FRAS1: variants seen among roughly 807,000 people sequenced by gnomAD.
The protein encoded by FRAS1 is Fraser extracellular matrix complex subunit 1, also known as extracellular matrix organizing protein FRAS1.
FRAS1 carries 290 observed loss-of-function variants against 435.2 expected under a neutral mutation model. The ratio of observed to expected loss-of-function variants is 0.67; its 90% CI spans 0.61 to 0.73. FRAS1 has a LOEUF of 0.73. Among genes scored for constraint, FRAS1 ranks in the 30% least tolerant of loss-of-function variants. FRAS1 has a pLI of 0.00. For synonymous variants in FRAS1, 1,800 were observed against 1,851.0 expected (o/e 0.97, Z 0.71); for missense variants, 4,860 against 5,001.5 (o/e 0.97, Z 0.85).
At chr4:78,165,813 A>G (rs1307104287) in intron 2 of FRAS1, among the ~76,000 whole-genome samples, 5 of 152,132 alleles carry the variant, frequency 3.3e-5, no homozygotes, top group Admixed American at 6.6e-5. Flanking sequence ...ATTATCCAGC[A>G]GGCTAGAGTG....
At position 78,400,565 on chromosome 4, in the gene FRAS1, A is replaced by G. The variant is rs1489060107; in HGVS notation, c.3976-169A>G. On this transcript the variant is annotated intron_variant, in intron 29 of 73. Transcript: ENST00000512123. ...TACATATGTAAATATATAGATAAAT[A>G]TGCATGTCTACACATAATACAAAGT... Among the ~76,000 whole-genome samples, 6 of 152,182 alleles carry G rather than the reference A, an allele frequency of 3.9e-5. No individual in the cohort carries two copies. The East Asian group carries it at 1.2e-3, about 29-fold the overall frequency.
chr4:78,255,510 T>C (rs533212858), intron 6 of FRAS1, 135 bp downstream of exon 6: 183 of 853,660 alleles, frequency 2.1e-4, no homozygotes, highest in Non-Finnish European at 2.8e-4. Flanking sequence ...CTCATACTTT[T>C]GGAGACCACC....
chr4:78,513,559 T>C lies in FRAS1; in HGVS notation c.10174+7T>C, dbSNP rs1165187933. ...GACCTGAGAGGCATCTCAGGTGAGA[T>C]TGACAAGTTCAGGACTGGTCTTTCC... On this transcript the variant is annotated splice_region_variant and intron_variant, in intron 65 of 73. Coordinates refer to ENST00000512123, the MANE Select transcript of FRAS1 (RefSeq NM_025074.7). The C allele has an allele frequency of 6.2e-7, 1 of 1,612,832 alleles. No individual in the cohort carries two copies. The highest frequency in any genetic ancestry group is 1.7e-5 in the Admixed American group (1 of 60,018).
chr4:78,531,494 A>T (rs1273843055), intron 70 of FRAS1, among the ~76,000 whole-genome samples: 2 of 152,156 alleles, frequency 1.3e-5, no homozygotes, highest in Non-Finnish European at 2.9e-5. Flanking sequence ...AATAGCTCTT[A>T]TTATTTTGAG....
At chr4:78,229,094 A>G (rs1724402283) in intron 2 of FRAS1, among the ~76,000 whole-genome samples, 1 of 152,176 alleles carries the variant, frequency 6.6e-6, no homozygotes, top group African/African-American at 2.4e-5. Context: ...TTGGTGGGAA[A>G]AACATAAGCT....
intron 1 of FRAS1, among the ~76,000 whole-genome samples, chr4:78,065,073 T>C (rs1289101907): frequency 1.9e-4 from 25 of 128,970 alleles, no homozygotes; most frequent in African/African-American, 7.3e-4. Flanking sequence ...TATATATATA[T>C]ATATATATAT....
chr4:78,500,203 C>T (rs751336137), intron 61 of FRAS1, among the ~76,000 whole-genome samples: 4 of 151,996 alleles, frequency 2.6e-5, no homozygotes, highest in Non-Finnish European at 4.4e-5. Flanking sequence ...GATAGGATCA[C>T]TTGTTAAAAA....
chr4:78,363,440 C>T, intron 20 of FRAS1, 73 bp from the exon 21 acceptor site: 2 of 1,426,374 alleles, frequency 1.4e-6, no homozygotes, highest in African/African-American at 1.4e-5. Context: ...ATCTCTTCTG[C>T]CCTTCTGTGC....
intron 2 of FRAS1, among the ~76,000 whole-genome samples, chr4:78,174,285 T>G (rs1158974818): frequency 6.6e-6 from 1 of 152,224 alleles, no homozygotes; most frequent in Non-Finnish European, 1.5e-5. Context: ...TACTATTAAT[T>G]TAGCGCTTGG....
chr4:78,389,693 G>C (rs1450150134), intron 29 of FRAS1, among the ~76,000 whole-genome samples: 1 of 152,286 alleles, frequency 6.6e-6, no homozygotes, highest in South Asian at 2.1e-4. Flanking sequence ...GGATTTCAGT[G>C]CCACCCTAGC....
chr4:78,357,833 C>G (rs1303685856), intron 20 of FRAS1, among the ~76,000 whole-genome samples: 1 of 152,156 alleles, frequency 6.6e-6, no homozygotes, highest in East Asian at 1.9e-4. Context: ...GCCCCGAGTT[C>G]AAGGTTTCAG....
intron 2 of FRAS1, among the ~76,000 whole-genome samples, chr4:78,195,598 G>A (rs181098220): frequency 2.5e-3 from 388 of 152,306 alleles, no homozygotes; most frequent in Middle Eastern, 6.8e-3. Context: ...CTCCTGGTGT[G>A]CCATTTGCTA....
intron 32 of FRAS1, 49 bp downstream of exon 32, chr4:78,413,134 C>G: frequency 9.3e-7 from 1 of 1,076,204 alleles, no homozygotes; most frequent in East Asian, 2.7e-5. Flanking sequence ...AGGCACACAG[C>G]ACGCTGATGG....
In FRAS1 at chr4:78,318,913, G is replaced by T; in HGVS notation, c.2064G>T (p.Val688=). The change falls in exon 18 of 74, where the codon GTG becomes GTT. Residue 688 remains valine (V), a synonymous_variant. Transcript: ENST00000512123. ...EGLQVEQLSD[V]GIPSGECLAQ... Reference sequence around the variant, plus strand: ...TGCAAGTGGAGCAGCTGTCTGACGTGGGCATCCCCTCTGGCGAGTGTCTAG... The same window carrying T: ...TGCAAGTGGAGCAGCTGTCTGACGTTGGCATCCCCTCTGGCGAGTGTCTAG... 6.2e-7 allele frequency: 1 copy of T among 1,613,970 alleles called. No homozygotes were observed. Among genetic ancestry groups the T allele is most frequent in the South Asian group, 1.1e-5 (1 of 91,078 alleles).
At position 78,353,922 on chromosome 4, in the gene FRAS1, G is replaced by A. The variant is rs1211556537; in HGVS notation, c.2423-9591G>A. On this transcript the variant is annotated intron_variant, in intron 20 of 73. Coordinates refer to ENST00000512123, the MANE Select transcript of FRAS1 (RefSeq NM_025074.7). ...TAGATGACACATTAGTGGGTGCAGC[G>A]CACCAGCATGGCACATGTATACATA... is the stretch of plus-strand genomic sequence containing the variant. Among the ~76,000 whole-genome samples the A allele has an allele frequency of 9.9e-5, 2 of 20,224 alleles. 1 individual carries two copies. Among genetic ancestry groups the A allele is most frequent in the Non-Finnish European group, 1.7e-4 (2 of 11,816 alleles). The allele number at this position is 20,224 out of a possible 152,430, so 13.3% of individuals were successfully genotyped here. A position where few individuals can be genotyped will look rare whatever the true frequency, so the allele number is the denominator to read the frequency against.
chr4:78,199,011 C>T (rs1355269028), intron 2 of FRAS1, among the ~76,000 whole-genome samples: 10 of 152,072 alleles, frequency 6.6e-5, no homozygotes, highest in African/African-American at 1.4e-4. Context: ...AAGAGTTATA[C>T]GTGGATTTTT....
At chr4:78,479,784 C>A in intron 56 of FRAS1, 66 bp downstream of exon 56, 1 of 1,276,260 alleles carries the variant, frequency 7.8e-7, no homozygotes, top group Non-Finnish European at 1.1e-6. Context: ...CAGTTTTCTC[C>A]TTAGGTTTCA....
intron 59 of FRAS1, among the ~76,000 whole-genome samples, chr4:78,489,387 A>C (rs2109865471): frequency 6.6e-6 from 1 of 152,344 alleles, no homozygotes; most frequent in Non-Finnish European, 1.5e-5. Flanking sequence ...TCACAATAAA[A>C]TAAACTAGAG....
At chr4:78,083,067 G>T (rs1248853191) in intron 2 of FRAS1, among the ~76,000 whole-genome samples, 1 of 152,104 alleles carries the variant, frequency 6.6e-6, no homozygotes, top group Non-Finnish European at 1.5e-5. Flanking sequence ...AAGAATAAAT[G>T]TGGTAATAGG....
Sources: gnomAD v4.1 joint callset for allele counts (sites outside exome capture counted in the v4.1 genomes callset) on GRCh38, gnomAD v4.1.1 for gene constraint, MANE v1.5 for transcripts, NCBI Gene and HGNC (gene_info 2026-07-23, HGNC 2026-07-21) for gene names.